PDE8B: variants seen among roughly 807,000 people sequenced by gnomAD.
PDE8B encodes phosphodiesterase 8B, also known as high affinity cAMP-specific and IBMX-insensitive 3',5'-cyclic phosphodiesterase 8B.
Under a neutral mutation model 101.3 loss-of-function variants are expected in PDE8B, and 26 were observed. The observed-to-expected ratio is 0.26, with a 90% CI of 0.19 to 0.36. The LOEUF is 0.36. PDE8B is among the 10% of genes least tolerant of loss of function. The pLI is 1.00. For missense variants in PDE8B, 810 were observed against 1,163.1 expected (o/e 0.70, Z 4.42); for synonymous variants, 424 against 429.3 (o/e 0.99, Z 0.15).
intron 14 of PDE8B, 73 bp downstream of exon 14, chr5:77,409,130 T>TGCAACCACAGGTAACA: frequency 7.7e-7 from 1 of 1,300,536 alleles, no homozygotes; most frequent in Non-Finnish European, 1.1e-6. Flanking sequence ...ATGTGGAAAC[T>TGCAACCACAGGTAACA]GTTACCTGTG....
intron 1 of PDE8B, among the ~76,000 whole-genome samples, chr5:77,214,586 G>T (rs1379686399): frequency 6.6e-6 from 1 of 152,182 alleles, no homozygotes; most frequent in Non-Finnish European, 1.5e-5. Flanking sequence ...TCCAGAATTT[G>T]TGAGGATAAT....
At chr5:77,147,171 G>T in the PDE8B span, 2 of 336,918 alleles carry the variant, frequency 5.9e-6, no homozygotes, top group Non-Finnish European at 6.0e-6. Flanking sequence ...GAGTAAGTTG[G>T]TTCTAGCACA....
rs995699141 is a variant in PDE8B at position 77,351,890 on chromosome 5, G to A, written c.1106+737G>A. ...GGCCACAGTCATCCTGCCAGGAACT[G>A]GAACAGGAGCCCCACCTGTGACTCT... On this transcript the variant is annotated intron_variant, in intron 9 of 21. Transcript: ENST00000264917. 2.0e-5 allele frequency among the ~76,000 whole-genome samples: 3 copies of A among 152,222 alleles called. No individual in the cohort carries two copies. In the East Asian group the frequency reaches 5.8e-4, roughly 29 times the overall value.
In PDE8B at chr5:77,312,073, C is replaced by A; in HGVS notation, c.399+20C>A. 6.4e-7 allele frequency: 1 copy of A among 1,569,290 alleles called. No homozygotes were observed. The highest frequency in any genetic ancestry group is 8.8e-7 in the Non-Finnish European group (1 of 1,139,436). ...ATTCAGGTACGCCTCCTTTACTCAG[C>A]CCTGTGACTCAGATTATTTTCTTTT... On this transcript the variant is annotated intron_variant, in intron 2 of 21. Transcript: ENST00000264917.
At chr5:77,135,473 A>ATTTTTTTTTTTTTTTTTTTT in the PDE8B span, among the ~76,000 whole-genome samples, 3 of 121,534 alleles carry the variant, frequency 2.5e-5, no homozygotes, top group African/African-American at 3.3e-5. Context: ...AGCCAGAGGA[A>ATTTTTTTTTTTTTTTTTTTT]TTTTTTTTTT....
the PDE8B span, among the ~76,000 whole-genome samples, chr5:77,149,318 G>A: frequency 6.6e-6 from 1 of 152,134 alleles, no homozygotes; most frequent in African/African-American, 2.4e-5. Context: ...TTTCAATTTT[G>A]TTCTTAGTTT....
chr5:77,260,725 T>A (rs1760402936), intron 1 of PDE8B, among the ~76,000 whole-genome samples: 1 of 151,830 alleles, frequency 6.6e-6, no homozygotes, highest in Non-Finnish European at 1.5e-5. Flanking sequence ...GTAGCTGGGA[T>A]TGCAGGCATG....
Position 77,211,083 on chromosome 5 carries a change from TC to T in PDE8B, c.164del (p.Pro55ArgfsTer10), listed in dbSNP as rs1580329784. The T allele has an allele frequency of 5.3e-6, 8 of 1,496,256 alleles. No homozygotes were observed. The highest frequency in any genetic ancestry group is 2.8e-5 in the East Asian group (1 of 35,606). The allele number at this position is 1,496,256 out of a possible 1,614,324, so 92.7% of individuals were successfully genotyped here. A position where few individuals can be genotyped will look rare whatever the true frequency, so the allele number is the denominator to read the frequency against. ...GTCCAGACCGACGCCGCCGACGCCATCCCCCCGAGCCGCGCGTCGGGACCCC... is the reference window on the plus strand; with the variant it reads ...GTCCAGACCGACGCCGCCGACGCCATCCCCCGAGCCGCGCGTCGGGACCCC... Reference protein sequence around the residue: ...LFVQTDAADAIPPSRASGPPS... With the variant: ...LFVQTDAADAXPPSRASGPPS... On this transcript the variant is annotated frameshift_variant, in exon 1 of 22. Coordinates refer to ENST00000264917, the MANE Select transcript of PDE8B (RefSeq NM_003719.5). LOFTEE classifies it high-confidence loss of function. This position sits in a 1 kb window ranked among gnomAD's most constrained non-coding sequence, Gnocchi z 4.1.
chr5:77,171,066 T>C, the PDE8B span, among the ~76,000 whole-genome samples: 1 of 152,042 alleles, frequency 6.6e-6, no homozygotes, highest in Non-Finnish European at 1.5e-5. Context: ...ACAAAGAAAA[T>C]GCTCCAAGTA....
intron 10 of PDE8B, among the ~76,000 whole-genome samples, chr5:77,354,715 A>T (rs531658997): frequency 6.6e-6 from 1 of 152,268 alleles, no homozygotes; most frequent in Non-Finnish European, 1.5e-5. Flanking sequence ...GTTCATGTCC[A>T]GTTCATGCCT....
intron 2 of PDE8B, among the ~76,000 whole-genome samples, chr5:77,318,161 A>G (rs1000482279): frequency 4.6e-5 from 7 of 151,592 alleles, no homozygotes; most frequent in African/African-American, 1.7e-4. Context: ...TGGGGATTTT[A>G]TATAGTGGAG....
At chr5:77,321,684 T>C (rs1231273550) in intron 2 of PDE8B, among the ~76,000 whole-genome samples, 3 of 152,224 alleles carry the variant, frequency 2.0e-5, no homozygotes, top group Non-Finnish European at 2.9e-5. Context: ...TACTCTGAAG[T>C]ATATATTCTT....
rs560327850 is a variant in PDE8B, at chr5:77,221,799, A to G, written c.339+10535A>G. On this transcript the variant is annotated intron_variant, in intron 1 of 21. Coordinates refer to ENST00000264917, the MANE Select transcript of PDE8B (RefSeq NM_003719.5). ...TTGATGCATTGCAGTTATTAAACCTATTTGTGCTTAGACTGCCCAGTTTTG... is the reference window on the plus strand; with the variant it reads ...TTGATGCATTGCAGTTATTAAACCTGTTTGTGCTTAGACTGCCCAGTTTTG... Among the ~76,000 whole-genome samples, 28 of 152,302 alleles carry G rather than the reference A, an allele frequency of 1.8e-4. No homozygotes were observed. In the South Asian group the frequency reaches 5.2e-3, roughly 28 times the overall value.
chr5:77,286,333 C>G (rs1347411196), intron 1 of PDE8B, among the ~76,000 whole-genome samples: 1 of 152,194 alleles, frequency 6.6e-6, no homozygotes, highest in Non-Finnish European at 1.5e-5. Flanking sequence ...AGTTTGTACA[C>G]AAAATTTAGG....
chr5:77,138,446 G>A, the PDE8B span, among the ~76,000 whole-genome samples: 6 of 152,164 alleles, frequency 3.9e-5, no homozygotes, highest in East Asian at 1.9e-4. Flanking sequence ...AGGATGATCC[G>A]CCTGGAAGCC....
chr5:77,138,114 T>C, the PDE8B span, among the ~76,000 whole-genome samples: 1 of 152,218 alleles, frequency 6.6e-6, no homozygotes, highest in Admixed American at 6.5e-5. Context: ...AAACTATTTA[T>C]CTGAACATCT....
intron 10 of PDE8B, among the ~76,000 whole-genome samples, chr5:77,380,330 A>C (rs1162082741): frequency 1.3e-5 from 2 of 152,230 alleles, no homozygotes; most frequent in African/African-American, 2.4e-5. Context: ...ATTCCATTGA[A>C]TACAACAAGA....
chr5:77,099,512 T>G, the PDE8B span, among the ~76,000 whole-genome samples: 1 of 152,226 alleles, frequency 6.6e-6, no homozygotes, highest in East Asian at 1.9e-4. Context: ...GTTACTGGCC[T>G]CAGTGTACTT....
At chr5:77,260,959 G>A (rs1760455121) in intron 1 of PDE8B, among the ~76,000 whole-genome samples, 1 of 152,034 alleles carries the variant, frequency 6.6e-6, no homozygotes, top group Admixed American at 6.5e-5. Context: ...TGAAAATATA[G>A]AATTATGATG....
Sources: allele counts gnomAD v4.1 joint callset (sites outside exome capture counted in the v4.1 genomes callset), GRCh38; gene constraint gnomAD v4.1.1; non-coding constraint Gnocchi (gnomAD v3.1); transcripts MANE v1.5; gene names NCBI Gene and HGNC (gene_info 2026-07-23, HGNC 2026-07-21).